Variants in XKR4 observed in about 807,000 individuals in gnomAD.
XKR4 encodes XK-related protein 4.
XKR4 carries 12 observed loss-of-function variants against 53.9 expected under a neutral mutation model. That is an observed-to-expected ratio of 0.22 (90% CI 0.14 to 0.36). The LOEUF (loss-of-function observed/expected upper bound fraction) is 0.36. Ranked by LOEUF, XKR4 falls within the 10% of genes least tolerant of loss-of-function variation. The pLI is 1.00. For synonymous variants in XKR4, 354 were observed against 362.4 expected, an observed-to-expected ratio of 0.98 and a Z score of 0.26; for missense variants, 799 against 859.5, an observed-to-expected ratio of 0.93 and a Z score of 0.88.
At chr8:55,332,481 A>T (rs1238516991) in intron 1 of XKR4, among the ~76,000 whole-genome samples, 1 of 151,986 alleles carries the variant, frequency 6.6e-6, no homozygotes, top group Non-Finnish European at 1.5e-5. Flanking sequence ...CTTGTAGGAC[A>T]TATCTAGTTG....
chr8:55,160,180 G>A (rs1391479440), intron 1 of XKR4, among the ~76,000 whole-genome samples: 1 of 152,208 alleles, frequency 6.6e-6, no homozygotes, highest in African/African-American at 2.4e-5. Context: ...TGGCGTGGTT[G>A]TATTTTTACT....
chr8:55,264,345 A>G (rs1818569964), intron 1 of XKR4, among the ~76,000 whole-genome samples: 1 of 152,112 alleles, frequency 6.6e-6, no homozygotes, highest in Non-Finnish European at 1.5e-5. Flanking sequence ...CATAATACAC[A>G]CTCCATGAGA....
In XKR4 at chr8:55,524,301, C is replaced by A; in HGVS notation, c.*74C>A. The A allele has an allele frequency of 7.1e-7, 1 of 1,409,526 alleles. No homozygotes were observed. Among genetic ancestry groups the A allele is most frequent in the Non-Finnish European group, 9.7e-7 (1 of 1,030,154 alleles). 87.3% of individuals were successfully genotyped at this position (1,409,526 alleles called of 1,614,324 possible). On this transcript the variant is annotated 3_prime_UTR_variant, in exon 3 of 3. Coordinates refer to ENST00000327381, the MANE Select transcript of XKR4 (RefSeq NM_052898.2). ...CAGGGCTGTGGCCATAATGACACTT[C>A]ATCCTAGAGCAGGGCAGTGAGCCGT...
At chr8:55,273,776 A>T (rs1818726305) in intron 1 of XKR4, among the ~76,000 whole-genome samples, 1 of 151,896 alleles carries the variant, frequency 6.6e-6, no homozygotes, top group South Asian at 2.1e-4. Flanking sequence ...CCCCTCAAAT[A>T]CTCTGGGAGA....
intron 2 of XKR4, among the ~76,000 whole-genome samples, chr8:55,443,229 G>A (rs896476513): frequency 6.6e-6 from 1 of 151,966 alleles, no homozygotes; most frequent in Non-Finnish European, 1.5e-5. Flanking sequence ...TTATAAATAA[G>A]TATTAATAAA....
intron 1 of XKR4, among the ~76,000 whole-genome samples, chr8:55,205,887 G>A (rs1329662050): frequency 2.6e-5 from 4 of 152,170 alleles, no homozygotes; most frequent in Non-Finnish European, 5.9e-5. Flanking sequence ...AAGATGGTGT[G>A]TCCAGAGTTT....
At chr8:55,244,152 T>C (rs1818250433) in intron 1 of XKR4, among the ~76,000 whole-genome samples, 1 of 152,218 alleles carries the variant, frequency 6.6e-6, no homozygotes, top group African/African-American at 2.4e-5. Context: ...AGTATACAGA[T>C]TATTTCATCA....
intron 2 of XKR4, among the ~76,000 whole-genome samples, chr8:55,493,574 C>T (rs536925336): frequency 6.6e-6 from 1 of 152,160 alleles, no homozygotes; most frequent in African/African-American, 2.4e-5. Flanking sequence ...TATAAAAGAG[C>T]AAGTATGGGT....
chr8:55,149,649 A>G (rs1816815649), intron 1 of XKR4, among the ~76,000 whole-genome samples: 2 of 152,210 alleles, frequency 1.3e-5, no homozygotes, highest in Admixed American at 6.5e-5. Context: ...AAGATGCCCC[A>G]AGCTCTGGCC....
In XKR4 at chr8:55,537,007, T is replaced by G. The variant is rs1253259875; in HGVS notation, c.*12780T>G. 1 of 152,244 alleles carries G rather than the reference T, an allele frequency of 6.6e-6. No homozygotes were observed. Among genetic ancestry groups the G allele is most frequent in the African/African-American group, 2.4e-5 (1 of 41,464 alleles). The allele number at this position is 152,244 out of a possible 1,614,324, so 9.4% of individuals were successfully genotyped here. A position where few individuals can be genotyped will look rare whatever the true frequency, so the allele number is the denominator to read the frequency against. ...TTAATTTTAAGCATTCCTTATGATATTTTTTAAGCCTAAAAACCATTCAAA... is the reference window on the plus strand; with the variant it reads ...TTAATTTTAAGCATTCCTTATGATAGTTTTTAAGCCTAAAAACCATTCAAA... On this transcript the variant is annotated 3_prime_UTR_variant, in exon 3 of 3. Coordinates refer to ENST00000327381, the MANE Select transcript of XKR4 (RefSeq NM_052898.2).
chr8:55,137,842 G>T (rs1225644904), intron 1 of XKR4, among the ~76,000 whole-genome samples: 1 of 152,014 alleles, frequency 6.6e-6, no homozygotes, highest in Non-Finnish European at 1.5e-5. Context: ...AAAGTGCTAG[G>T]ATTACAGATG....
At chr8:55,254,324 CTGTT>C (rs986135334) in intron 1 of XKR4, among the ~76,000 whole-genome samples, 1 of 152,030 alleles carries the variant, frequency 6.6e-6, no homozygotes, top group Non-Finnish European at 1.5e-5. Flanking sequence ...CACACTGTAA[CTGTT>C]TGTTCCAAGC....
chr8:55,195,158 TCC>T (rs1199241296), intron 1 of XKR4, among the ~76,000 whole-genome samples: 19 of 99,108 alleles, frequency 1.9e-4, no homozygotes, highest in Non-Finnish European at 2.2e-4. Context: ...CACCGACAAG[TCC>T]ATGAACTAAC....
intron 1 of XKR4, among the ~76,000 whole-genome samples, chr8:55,292,909 T>C (rs1386067172): frequency 6.6e-6 from 1 of 152,216 alleles, no homozygotes; most frequent in Non-Finnish European, 1.5e-5. Flanking sequence ...TACTTAGCAG[T>C]GTGTTGTTTG....
At chr8:55,494,352 C>T (rs551127480) in intron 2 of XKR4, among the ~76,000 whole-genome samples, 52 of 152,214 alleles carry the variant, frequency 3.4e-4, no homozygotes, top group Admixed American at 7.9e-4. Flanking sequence ...GGTTTGGGCT[C>T]CCCAAAGAGC....
intron 1 of XKR4, among the ~76,000 whole-genome samples, chr8:55,136,392 T>C (rs1003489801): frequency 6.6e-6 from 1 of 152,234 alleles, no homozygotes; most frequent in Admixed American, 6.5e-5. Flanking sequence ...TTTCCTCAGT[T>C]TCATGACTGC....
At chr8:55,402,432 C>T (rs1189207365) in intron 2 of XKR4, among the ~76,000 whole-genome samples, 5 of 152,206 alleles carry the variant, frequency 3.3e-5, no homozygotes, top group Non-Finnish European at 2.9e-5. Context: ...GATACCTTCT[C>T]ACTGGCCAAT....
At chr8:55,377,212 T>C (rs975325812) in intron 2 of XKR4, among the ~76,000 whole-genome samples, 1 of 152,180 alleles carries the variant, frequency 6.6e-6, no homozygotes, top group Non-Finnish European at 1.5e-5. Context: ...TCTCCACCAC[T>C]TAGTAACTTT....
At chr8:55,182,968 T>A (rs773839796) in intron 1 of XKR4, among the ~76,000 whole-genome samples, 52 of 152,236 alleles carry the variant, frequency 3.4e-4, no homozygotes, top group Non-Finnish European at 6.3e-4. Context: ...AAAACGTTTG[T>A]AATGAGCATT....
Sources: allele counts gnomAD v4.1 joint callset (sites outside exome capture counted in the v4.1 genomes callset), GRCh38; gene constraint gnomAD v4.1.1; transcripts MANE v1.5; gene names NCBI Gene and HGNC (gene_info 2026-07-23, HGNC 2026-07-21).